The following ASAP2 variants were observed in gnomAD, a reference collection of about 807,000 sequenced individuals.
ASAP2 encodes the protein ArfGAP with SH3 domain, ankyrin repeat and PH domain 2.
Under a neutral mutation model 131.4 loss-of-function variants are expected in ASAP2, and 45 were observed. The observed-to-expected ratio is 0.34, with a 90% CI of 0.27 to 0.44. ASAP2 has a LOEUF of 0.44. Among genes scored for constraint, ASAP2 ranks in the 20% least tolerant of loss-of-function variants. ASAP2 has a pLI of 1.00. For synonymous variants in ASAP2, 510 were observed against 503.0 expected (o/e 1.01, Z -0.19); for missense variants, 1,011 against 1,297.0 (o/e 0.78, Z 3.39).
intron 1 of ASAP2, among the ~76,000 whole-genome samples, chr2:9,254,054 A>G (rs1343386640): frequency 6.6e-6 from 1 of 150,566 alleles, no homozygotes; most frequent in African/African-American, 2.4e-5. Context: ...AAAAATACAA[A>G]AATTAGCCGG....
chr2:9,218,803 T>G (rs1662227758), intron 1 of ASAP2, among the ~76,000 whole-genome samples: 1 of 152,238 alleles, frequency 6.6e-6, no homozygotes, highest in Admixed American at 6.5e-5. Flanking sequence ...TTTTTGGCTG[T>G]CGTCTCTGTT....
rs528993407 is a variant in ASAP2, at chr2:9,268,545, A to G, written c.127-10772A>G. Among the ~76,000 whole-genome samples the G allele has an allele frequency of 2.0e-5, 3 of 152,142 alleles. No individual in the cohort carries two copies. The highest frequency in any genetic ancestry group is 1.3e-4 in the Admixed American group (2 of 15,278). On this transcript the variant is annotated intron_variant, in intron 1 of 27. Transcript: ENST00000281419. This position sits in a 1 kb window ranked among gnomAD's most constrained non-coding sequence, Gnocchi z 4.1. ...AGCCCACAGGTCACAGTGCAAGTCTACGCTTCCCAAAAGGCTTCTGGAAAT... is the reference window on the plus strand; with the variant it reads ...AGCCCACAGGTCACAGTGCAAGTCTGCGCTTCCCAAAAGGCTTCTGGAAAT...
intron 11 of ASAP2, among the ~76,000 whole-genome samples, chr2:9,347,435 A>G (rs150356712): frequency 6.6e-6 from 1 of 152,270 alleles, no homozygotes; most frequent in East Asian, 1.9e-4. Context: ...TACAGTCAGG[A>G]AAAAAGGGCA....
chr2:9,213,159 C>T (rs1572171116), intron 1 of ASAP2, among the ~76,000 whole-genome samples: 5 of 152,128 alleles, frequency 3.3e-5, no homozygotes, highest in African/African-American at 7.2e-5. Flanking sequence ...ATCAGGAAAC[C>T]GAAATCAGGA....
intron 1 of ASAP2, among the ~76,000 whole-genome samples, chr2:9,234,130 A>G (rs959032867): frequency 6.7e-6 from 1 of 150,296 alleles, no homozygotes; most frequent in Non-Finnish European, 1.5e-5. Flanking sequence ...AAAAAAAAAA[A>G]AGGAAGAGGG....
rs547510594 is a variant in ASAP2, at chr2:9,268,064, A to G, written c.127-11253A>G. On this transcript the variant is annotated intron_variant, in intron 1 of 27. Coordinates refer to ENST00000281419, the MANE Select transcript of ASAP2 (RefSeq NM_003887.3). The surrounding 1 kb of genome is among the most constrained non-coding windows in gnomAD (Gnocchi z 4.1). ...TTTGTAGTTTGCCAACAAGGTGTAT[A>G]TCCCTAAACATAAACAATTTAGTTT... 6.6e-6 allele frequency among the ~76,000 whole-genome samples: 1 copy of G among 152,232 alleles called. No individual in the cohort carries two copies. Among genetic ancestry groups the G allele is most frequent in the East Asian group, 1.9e-4 (1 of 5,182 alleles).
chr2:9,350,081 T>A (rs1334524914), intron 11 of ASAP2, among the ~76,000 whole-genome samples: 1 of 152,238 alleles, frequency 6.6e-6, no homozygotes, highest in Non-Finnish European at 1.5e-5. Context: ...GAAATTATCT[T>A]CTTACCCTCA....
intron 2 of ASAP2, among the ~76,000 whole-genome samples, chr2:9,287,427 A>C (rs548917904): frequency 6.6e-6 from 1 of 152,328 alleles, no homozygotes; most frequent in East Asian, 1.9e-4. Context: ...AGAACCTGAA[A>C]ACCTTAGGGA....
chr2:9,372,127 G>T (rs1455185291), intron 16 of ASAP2, among the ~76,000 whole-genome samples: 1 of 152,170 alleles, frequency 6.6e-6, no homozygotes, highest in Middle Eastern at 3.2e-3. Flanking sequence ...TCCCTTTCCT[G>T]TGGAGGTCGC....
intron 7 of ASAP2, among the ~76,000 whole-genome samples, chr2:9,331,566 A>C (rs1015150400): frequency 8.5e-5 from 13 of 152,084 alleles, no homozygotes; most frequent in African/African-American, 3.1e-4. Context: ...TCAGGAGTTC[A>C]AGACCAGCCT....
intron 3 of ASAP2, among the ~76,000 whole-genome samples, chr2:9,308,069 T>G (rs904647904): frequency 6.6e-6 from 1 of 152,250 alleles, no homozygotes; most frequent in Non-Finnish European, 1.5e-5. Context: ...ATGATTGTAT[T>G]AGTCTGTTCT....
At chr2:9,276,447 T>C (rs1461857179) in intron 1 of ASAP2, among the ~76,000 whole-genome samples, 1 of 152,148 alleles carries the variant, frequency 6.6e-6, no homozygotes, top group Non-Finnish European at 1.5e-5. Context: ...TTTTTAAAGC[T>C]TGCTAAAGAT....
intron 14 of ASAP2, among the ~76,000 whole-genome samples, chr2:9,357,336 C>T (rs993532942): frequency 4.6e-5 from 7 of 151,884 alleles, no homozygotes; most frequent in Non-Finnish European, 7.4e-5. Flanking sequence ...ATAATTAGCC[C>T]GGCGTGGTAG....
chr2:9,232,290 CTGTT>C lies in ASAP2; in HGVS notation c.126+25064_126+25067del, dbSNP rs1056487715. ...CGATCCTTTTACACAGGTGGTCCCT[CTGTT>C]TGTAGAGTCGCCCTGCTCTTCGTAT... On this transcript the variant is annotated intron_variant, in intron 1 of 27. Transcript: ENST00000281419. The surrounding 1 kb of genome is among the most constrained non-coding windows in gnomAD (Gnocchi z 4.1). Among the ~76,000 whole-genome samples the C allele has an allele frequency of 1.1e-4, 17 of 152,180 alleles. No homozygotes were observed. The highest frequency in any genetic ancestry group is 1.9e-4 in the African/African-American group (8 of 41,440).
chr2:9,376,824 G>C, intron 17 of ASAP2, 84 bp from the exon 18 acceptor site: 1 of 1,214,030 alleles, frequency 8.2e-7, no homozygotes, highest in Non-Finnish European at 1.2e-6. Flanking sequence ...ACTTTTGGAA[G>C]AGTTGTACAC....
chr2:9,266,062 G>A (rs959799048), intron 1 of ASAP2, among the ~76,000 whole-genome samples: 1 of 151,950 alleles, frequency 6.6e-6, no homozygotes, highest in Non-Finnish European at 1.5e-5. Flanking sequence ...TGGGATTACA[G>A]GTGTGAGCCA....
intron 1 of ASAP2, among the ~76,000 whole-genome samples, chr2:9,241,985 T>C (rs1337261163): frequency 6.6e-6 from 1 of 152,162 alleles, no homozygotes; most frequent in Non-Finnish European, 1.5e-5. Context: ...CACACCTGGT[T>C]TTACTACTTG....
chr2:9,305,064 G>A (rs1055300664), intron 3 of ASAP2, among the ~76,000 whole-genome samples: 1 of 142,372 alleles, frequency 7.0e-6, no homozygotes. Context: ...TGGAGGGGCC[G>A]TAATAGTGGG....
At chr2:9,304,342 G>C (rs1052259407) in intron 3 of ASAP2, among the ~76,000 whole-genome samples, 1 of 152,052 alleles carries the variant, frequency 6.6e-6, no homozygotes, top group Admixed American at 6.5e-5. Context: ...GCTATTAAAG[G>C]GACAACTGCC....
Sources: allele counts gnomAD v4.1 joint callset (sites outside exome capture counted in the v4.1 genomes callset), GRCh38; gene constraint gnomAD v4.1.1; non-coding constraint Gnocchi (gnomAD v3.1); transcripts MANE v1.5; gene names NCBI Gene and HGNC (gene_info 2026-07-23, HGNC 2026-07-21).